CTNNA2: variants seen among roughly 807,000 people sequenced by gnomAD.
The protein encoded by CTNNA2 is catenin alpha-2.
CTNNA2 carries 42 observed loss-of-function variants against 101.0 expected under a neutral mutation model. The ratio of observed to expected loss-of-function variants is 0.42; its 90% CI spans 0.32 to 0.54. The LOEUF (loss-of-function observed/expected upper bound fraction) is 0.54, where lower values mean the gene tolerates loss of function less well. CTNNA2 is among the 20% of genes least tolerant of loss of function. CTNNA2 has a pLI of 0.14. For synonymous variants in CTNNA2, 450 were observed against 456.4 expected (o/e 0.99, Z 0.18); for missense variants, 871 against 1,223.1 (o/e 0.71, Z 4.29).
At chr2:79,219,639 G>A (rs527582022) in intron 2 of CTNNA2, among the ~76,000 whole-genome samples, 11 of 152,256 alleles carry the variant, frequency 7.2e-5, no homozygotes, top group African/African-American at 2.4e-4. Flanking sequence ...ACACCTGCAA[G>A]CACCCTGGAA....
At chr2:79,326,885 T>A (rs1036757563) in intron 3 of CTNNA2, among the ~76,000 whole-genome samples, 1 of 152,120 alleles carries the variant, frequency 6.6e-6, no homozygotes, top group African/African-American at 2.4e-5. Flanking sequence ...GCATAATCAA[T>A]TGAGGGGTCT....
intron 7 of CTNNA2, among the ~76,000 whole-genome samples, chr2:80,349,940 C>T (rs1404644302): frequency 6.6e-6 from 1 of 152,074 alleles, no homozygotes; most frequent in Non-Finnish European, 1.5e-5. Context: ...AGTCCAGGGG[C>T]TAAATTGAAG....
At chr2:80,165,047 G>C (rs1193222401) in intron 7 of CTNNA2, among the ~76,000 whole-genome samples, 1 of 151,182 alleles carries the variant, frequency 6.6e-6, no homozygotes, top group African/African-American at 2.4e-5. Context: ...ACTGCTTAGG[G>C]TTTTCTGAGC....
intron 7 of CTNNA2, among the ~76,000 whole-genome samples, chr2:80,146,264 C>T (rs988720770): frequency 6.6e-6 from 1 of 152,134 alleles, no homozygotes; most frequent in African/African-American, 2.4e-5. Context: ...CTGTCCCTGG[C>T]GAACTCTGCC....
chr2:80,043,101 CTCTCTCTCT>C lies in CTNNA2; in HGVS notation c.1056+133305_1056+133313del, dbSNP rs1696245483. Among the ~76,000 whole-genome samples, 8 of 30,788 alleles carry C rather than the reference CTCTCTCTCT, an allele frequency of 2.6e-4. No individual in the cohort carries two copies. In the East Asian group the frequency reaches 6.0e-3, roughly 23 times the overall value. The allele number at this position is 30,788 out of a possible 152,430, so 20.2% of individuals were successfully genotyped here. A position where few individuals can be genotyped will look rare whatever the true frequency, so the allele number is the denominator to read the frequency against. ...TTTCTTTCTTTCTTTCTTTCTCTCT[CTCTCTCTCT>C]CTTTCTTTCTCCTTCCTTCCTTCCT... is the stretch of plus-strand genomic sequence containing the variant. On this transcript the variant is annotated intron_variant, in intron 7 of 18. Coordinates refer to ENST00000402739, the MANE Select transcript of CTNNA2 (RefSeq NM_001282597.3).
intron 3 of CTNNA2, among the ~76,000 whole-genome samples, chr2:79,781,546 A>G (rs945578306): frequency 2.6e-5 from 4 of 152,170 alleles, no homozygotes; most frequent in African/African-American, 4.8e-5. Context: ...ACAGTACAAG[A>G]CATGCTCTTA....
intron 1 of CTNNA2, among the ~76,000 whole-genome samples, chr2:79,192,900 A>C (rs1339576894): frequency 1.3e-5 from 2 of 152,096 alleles, no homozygotes; most frequent in Non-Finnish European, 2.9e-5. Flanking sequence ...GTCATGATAC[A>C]ATTAAAGAAA....
At chr2:79,597,770 C>A (rs992206497) in intron 1 of CTNNA2, among the ~76,000 whole-genome samples, 2 of 152,088 alleles carry the variant, frequency 1.3e-5, no homozygotes, top group African/African-American at 4.8e-5. Flanking sequence ...AATTGAAGAA[C>A]CTACACTGAT....
At chr2:79,831,760 G>A (rs1382657390) in intron 3 of CTNNA2, among the ~76,000 whole-genome samples, 2 of 141,040 alleles carry the variant, frequency 1.4e-5, no homozygotes, top group East Asian at 2.1e-4. Context: ...TTTTTAAATC[G>A]TTACCAAAGT....
At position 79,869,845 on chromosome 2, in the gene CTNNA2, T is replaced by G; in HGVS notation, c.495T>G (p.Asn165Lys). The change falls in exon 5 of 19, where the codon AAT becomes AAG. Residue 165 changes from asparagine to lysine, a missense_variant. Physicochemically the swap from Asn to Lys is moderately conservative, Grantham distance 94 (BLOSUM62 0). Coordinates refer to ENST00000402739, the MANE Select transcript of CTNNA2 (RefSeq NM_001282597.3). The stretch of plus-strand genomic sequence containing the variant: ...AAGAGGCCCTGGAAGCTGTCAAAAA[T>G]GCTACAAATGAGCAAGACCTTGCAA... ...IVEEALEAVK[N>K]ATNEQDLANR... 1 of 1,614,104 alleles carries G rather than the reference T, an allele frequency of 6.2e-7. No individual in the cohort carries two copies. Among genetic ancestry groups the G allele is most frequent in the Non-Finnish European group, 8.5e-7 (1 of 1,180,004 alleles).
In CTNNA2 at chr2:80,042,256, C is replaced by T. The variant is rs566655270; in HGVS notation, c.1056+132459C>T. On this transcript the variant is annotated intron_variant, in intron 7 of 18. Transcript: ENST00000402739. ...CTGGGATTACAGGCGTGAGCCACTG[C>T]GTTTGACCTAGTTGTTTTTTGTTTT... 5.3e-5 allele frequency among the ~76,000 whole-genome samples: 8 copies of T among 152,270 alleles called. No homozygotes were observed. In the South Asian group the frequency reaches 8.3e-4, roughly 16 times the overall value.
intron 7 of CTNNA2, among the ~76,000 whole-genome samples, chr2:80,268,048 G>A (rs1055605799): frequency 2.0e-5 from 3 of 152,198 alleles, no homozygotes; most frequent in Admixed American, 6.5e-5. Context: ...GTAGGCCAGG[G>A]GCTATGCAGG....
rs187678405 is a variant in CTNNA2, at chr2:79,329,259, C to G, written c.-318+16463C>G. 2.6e-5 allele frequency among the ~76,000 whole-genome samples: 4 copies of G among 152,244 alleles called. No homozygotes were observed. The East Asian group carries it at 5.8e-4, about 22-fold the overall frequency. On this transcript the variant is annotated intron_variant, in intron 3 of 21. Coordinates refer to the CTNNA2 transcript ENST00000466387. ...TCCTGCCTTGTATCCTTTTCCGGAG[C>G]ACAGTTGTTCTGTTCCTAGAAACAA...
chr2:79,211,337 G>A (rs1446147778), intron 2 of CTNNA2, among the ~76,000 whole-genome samples: 1 of 152,152 alleles, frequency 6.6e-6, no homozygotes, highest in Non-Finnish European at 1.5e-5. Flanking sequence ...AGACAACAAG[G>A]GAAACTTTTC....
intron 8 of CTNNA2, among the ~76,000 whole-genome samples, chr2:80,409,461 G>T (rs896120824): frequency 6.6e-6 from 1 of 151,940 alleles, no homozygotes; most frequent in African/African-American, 2.4e-5. Flanking sequence ...CGTGTTGATC[G>T]CTGTAGCTTT....
chr2:80,514,537 T>C (rs1029779113), intron 9 of CTNNA2, among the ~76,000 whole-genome samples: 3 of 152,082 alleles, frequency 2.0e-5, no homozygotes, highest in Non-Finnish European at 4.4e-5. Flanking sequence ...AAGAATGAGG[T>C]CACATGGACC....
At chr2:79,310,449 T>C (rs1219846283) in intron 2 of CTNNA2, among the ~76,000 whole-genome samples, 5 of 152,220 alleles carry the variant, frequency 3.3e-5, no homozygotes, top group African/African-American at 1.2e-4. Flanking sequence ...ACCACTCTTA[T>C]GTTTCTTCCA....
chr2:79,914,351 G>C (rs1686035983), intron 7 of CTNNA2, among the ~76,000 whole-genome samples: 1 of 151,944 alleles, frequency 6.6e-6, no homozygotes, highest in Non-Finnish European at 1.5e-5. Flanking sequence ...CTTATTCTAA[G>C]TATTAAACTG....
At chr2:79,503,456 T>G (rs1276948262) in intron 4 of CTNNA2, among the ~76,000 whole-genome samples, 1 of 152,174 alleles carries the variant, frequency 6.6e-6, no homozygotes, top group Non-Finnish European at 1.5e-5. Flanking sequence ...AAGAACTTAT[T>G]ACAAAGCAAA....
Sources: gnomAD v4.1 joint callset for allele counts (sites outside exome capture counted in the v4.1 genomes callset) on GRCh38, gnomAD v4.1.1 for gene constraint, MANE v1.5 for transcripts, NCBI Gene and HGNC (gene_info 2026-07-23, HGNC 2026-07-21) for gene names.